Variants in TMPRSS6 observed in about 807,000 individuals in gnomAD.
TMPRSS6 encodes transmembrane protease serine 6.
Under a neutral mutation model 101.5 loss-of-function variants are expected in TMPRSS6, and 67 were observed. The ratio of observed to expected loss-of-function variants is 0.66; its 90% CI spans 0.54 to 0.81. The LOEUF (loss-of-function observed/expected upper bound fraction) is 0.81, where lower values mean the gene tolerates loss of function less well. Among genes scored for constraint, TMPRSS6 ranks in the 30% least tolerant of loss-of-function variants. The pLI, the probability that TMPRSS6 is intolerant of heterozygous loss-of-function variation, is 0.00. For missense variants in TMPRSS6, 1,034 were observed against 1,088.7 expected (o/e 0.95, Z 0.71); for synonymous variants, 453 against 464.9 (o/e 0.97, Z 0.33).
At position 37,084,735 on chromosome 22, in the gene TMPRSS6, G is replaced by T; in HGVS notation, c.1078C>A (p.His360Asn). The T allele has an allele frequency of 1.9e-6, 3 of 1,561,966 alleles. No individual in the cohort carries two copies. The highest frequency in any genetic ancestry group is 2.6e-6 in the Non-Finnish European group (3 of 1,152,944). ...GCAGGGTGGGGTCTCACCGTGAGGTGCCAGGAGCAGTGGGTTTGGGGCGAG... is the reference window on the plus strand; with the variant it reads ...GCAGGGTGGGGTCTCACCGTGAGGTTCCAGGAGCAGTGGGTTTGGGGCGAG... ...YYSPQTHCSW[H>N]LTVPSLDYGL... The change falls in exon 9 of 18, where the codon CAC becomes AAC. Residue 360 changes from histidine to asparagine, a missense_variant. Transcript: ENST00000676104.
At chr22:37,102,761 C>A (rs1024845432) in intron 2 of TMPRSS6, among the ~76,000 whole-genome samples, 4 of 152,104 alleles carry the variant, frequency 2.6e-5, no homozygotes, top group Non-Finnish European at 5.9e-5. Flanking sequence ...AGAGGAGAAC[C>A]TAGGCTAGGC....
At chr22:37,075,842 C>T (rs1031491571) in intron 10 of TMPRSS6, among the ~76,000 whole-genome samples, 24 of 151,804 alleles carry the variant, frequency 1.6e-4, no homozygotes, top group Non-Finnish European at 2.4e-4. Flanking sequence ...GCAGAGGTTG[C>T]GGTGAGCCGA....
In TMPRSS6 at chr22:37,089,758, C is replaced by A; in HGVS notation, c.656G>T (p.Gly219Val). 1 of 1,612,306 alleles carries A rather than the reference C, an allele frequency of 6.2e-7. No homozygotes were observed. Among genetic ancestry groups the A allele is most frequent in the African/African-American group, 1.3e-5 (1 of 75,060 alleles). Residue 219 changes from glycine (G) to valine (V), a missense_variant, in exon 7 of 18, where the codon GGC becomes GTC. Transcript: ENST00000676104. ...CTTCAGCCGGAGGACCTGGCCCTGG[C>A]CCACGTAGCTGTAGCGGTAACAACC... is the stretch of plus-strand genomic sequence containing the variant. The part of the protein sequence containing the change: ...TLGCYRYSYV[G>V]QGQVLRLKGP...
chr22:37,067,890 A>AAGGCCCTGTATGCCATTCT (rs1926479586), intron 16 of TMPRSS6, among the ~76,000 whole-genome samples: 1 of 151,968 alleles, frequency 6.6e-6, no homozygotes, highest in African/African-American at 2.4e-5. Context: ...CTCCTCGCCC[A>AAGGCCCTGTATGCCATTCT]GGCACGCCTG....
chr22:37,099,087 T>C (rs1930072465), intron 2 of TMPRSS6, among the ~76,000 whole-genome samples: 1 of 152,212 alleles, frequency 6.6e-6, no homozygotes, highest in Non-Finnish European at 1.5e-5. Flanking sequence ...CTGTGGGCAG[T>C]GCCATCAGGG....
At chr22:37,083,662 C>T (rs1020034566) in intron 10 of TMPRSS6, among the ~76,000 whole-genome samples, 3 of 152,226 alleles carry the variant, frequency 2.0e-5, no homozygotes, top group Non-Finnish European at 4.4e-5. Flanking sequence ...ACCCTGGCAA[C>T]GGTAGTCGCT....
intron 2 of TMPRSS6, among the ~76,000 whole-genome samples, chr22:37,099,586 A>C (rs116189950): frequency 0.015 from 2,212 of 152,318 alleles, 70 homozygotes; most frequent in African/African-American, 0.05. Flanking sequence ...CTATATGAGC[A>C]AAACAACGGA....
At chr22:37,089,989 C>T (rs1929122132) in intron 6 of TMPRSS6, among the ~76,000 whole-genome samples, 1 of 152,262 alleles carries the variant, frequency 6.6e-6, no homozygotes, top group African/African-American at 2.4e-5. Flanking sequence ...CAGTCATTCA[C>T]TCATGGAATG....
intron 15 of TMPRSS6, 87 bp downstream of exon 15, chr22:37,070,397 G>T: frequency 6.4e-7 from 1 of 1,553,078 alleles, no homozygotes; most frequent in Non-Finnish European, 8.9e-7. Flanking sequence ...CCCTCTATCT[G>T]CAAAGAGCTC....
intron 2 of TMPRSS6, among the ~76,000 whole-genome samples, chr22:37,100,586 G>C (rs1156743350): frequency 6.6e-6 from 1 of 152,248 alleles, no homozygotes; most frequent in African/African-American, 2.4e-5. Flanking sequence ...AGTGGTCTTG[G>C]ACTGGGATGT....
In TMPRSS6 at chr22:37,078,854, GAGA is replaced by G. The variant is rs1291602688; in HGVS notation, c.1197-3577_1197-3575del. 1.3e-4 allele frequency among the ~76,000 whole-genome samples: 6 copies of G among 46,466 alleles called. No individual in the cohort carries two copies. In the East Asian group the frequency reaches 2.3e-3, roughly 18 times the overall value. The allele number at this position is 46,466 out of a possible 152,430, so 30.5% of individuals were successfully genotyped here. On this transcript the variant is annotated intron_variant, in intron 10 of 17. Coordinates refer to ENST00000676104, the MANE Select transcript of TMPRSS6 (RefSeq NM_001374504.1). ...AGAGGAGGAGGAGAAGGAAGAGAAGGAGAAGAAGGAGAAGAGGAAGGGAGAAGA... is the reference window on the plus strand; with the variant it reads ...AGAGGAGGAGGAGAAGGAAGAGAAGGAGAAGGAGAAGAGGAAGGGAGAAGA...
chr22:37,077,192 C>G (rs533656910), intron 10 of TMPRSS6, among the ~76,000 whole-genome samples: 83 of 152,142 alleles, frequency 5.5e-4, no homozygotes, highest in African/African-American at 1.9e-3. Flanking sequence ...AGGAATTGCT[C>G]TCATCCCATT....
At chr22:37,109,916 G>A (rs954105863), upstream of TMPRSS6, among the ~76,000 whole-genome samples, 5 of 152,094 alleles carry the variant, frequency 3.3e-5, no homozygotes, top group Non-Finnish European at 7.4e-5. Context: ...GCCAAGGACT[G>A]GGGACTGTGC....
At position 37,086,268 on chromosome 22, in the gene TMPRSS6, C is replaced by T; in HGVS notation, c.973+15G>A. On this transcript the variant is annotated intron_variant, in intron 8 of 17. Transcript: ENST00000676104. ...CACCACCCCTCCCCTGCCCCAGGGA[C>T]CCCTGACCTCTCACCCTGGAAGACC... is the stretch of plus-strand genomic sequence containing the variant. The T allele has an allele frequency of 1.9e-6, 3 of 1,613,992 alleles. No individual in the cohort carries two copies. The highest frequency in any genetic ancestry group is 2.5e-6 in the Non-Finnish European group (3 of 1,179,952).
In TMPRSS6 at chr22:37,084,786, T is replaced by C; in HGVS notation, c.1027A>G (p.Ser343Gly). 1 of 1,566,120 alleles carries C rather than the reference T, an allele frequency of 6.4e-7. No homozygotes were observed. The change falls in exon 9 of 18, where the codon AGC (serine) becomes GGC (glycine). Residue 343 changes from serine to glycine, a missense_variant. By Grantham distance (56) the Ser-to-Gly change is moderately conservative (BLOSUM62 0). Transcript: ENST00000676104. ...TAGTAGCTGGGGAAGTACGGGGTGC[T>C]GAGGACGCCCTGGGAGTCGAGCCTG... ...DNRLDSQGVL[S>G]TPYFPSYYSP...
chr22:37,097,138 G>A (rs2160906), intron 3 of TMPRSS6, among the ~76,000 whole-genome samples: 26,279 of 152,170 alleles, frequency 0.17, 2,554 homozygotes, highest in Non-Finnish European at 0.22. Flanking sequence ...AAGCATTTGC[G>A]CAGCGTGGGA....
At chr22:37,096,748 C>G in intron 3 of TMPRSS6, 33 bp from the exon 4 acceptor site, 1 of 1,553,958 alleles carries the variant, frequency 6.4e-7, no homozygotes, top group Non-Finnish European at 8.7e-7. Flanking sequence ...CCCCTGGGAC[C>G]CTCTGCAGGG....
chr22:37,075,971 G>GAAAAAGAAAGAAAGAAAGAGAA (rs1569003021), intron 10 of TMPRSS6, among the ~76,000 whole-genome samples: 5 of 141,674 alleles, frequency 3.5e-5, no homozygotes, highest in Non-Finnish European at 7.5e-5. Context: ...GGGAGGGAGG[G>GAAAAAGAAAGAAAGAAAGAGAA]AAAAAGAAAG....
chr22:37,108,705 G>A (rs1320388674), intron 1 of TMPRSS6, among the ~76,000 whole-genome samples: 1 of 152,208 alleles, frequency 6.6e-6, no homozygotes, highest in Admixed American at 6.5e-5. Flanking sequence ...AACAGCCTGG[G>A]GTGCCTACTT....
Sources: gnomAD v4.1 joint callset for allele counts (sites outside exome capture counted in the v4.1 genomes callset) on GRCh38, gnomAD v4.1.1 for gene constraint, MANE v1.5 for transcripts, NCBI Gene and HGNC (gene_info 2026-07-23, HGNC 2026-07-21) for gene names.